The following HOMER2 variants were observed in gnomAD, a reference collection of about 807,000 sequenced individuals.
The protein encoded by HOMER2 is homer scaffold protein 2.
HOMER2 carries 27 observed loss-of-function variants against 47.0 expected under a neutral mutation model. The observed-to-expected ratio is 0.57, with a 90% CI of 0.42 to 0.79. The LOEUF (loss-of-function observed/expected upper bound fraction) is 0.79. Among genes scored for constraint, HOMER2 ranks in the 30% least tolerant of loss-of-function variants. HOMER2 has a pLI of 0.00. For synonymous variants in HOMER2, 161 were observed against 163.8 expected (o/e 0.98, Z 0.13); for missense variants, 443 against 435.0 (o/e 1.02, Z -0.16).
chr15:82,932,182 A>T (rs1279049662), intron 1 of HOMER2, among the ~76,000 whole-genome samples: 1 of 152,162 alleles, frequency 6.6e-6, no homozygotes, highest in African/African-American at 2.4e-5. Context: ...TATGCAGGAG[A>T]GCTCATTCCC....
chr15:82,859,067 C>T lies in HOMER2; in HGVS notation c.456G>A (p.Lys152=). 1 of 1,614,024 alleles carries T rather than the reference C, an allele frequency of 6.2e-7. No homozygotes were observed. The highest frequency in any genetic ancestry group is 8.5e-7 in the Non-Finnish European group (1 of 1,179,892). The change falls in exon 5 of 9, where the codon AAG becomes AAA. Residue 152 remains lysine (K), a synonymous_variant. Coordinates refer to ENST00000450735, the MANE Select transcript of HOMER2 (RefSeq NM_004839.4). ...SHAGPANTHL[K]SENDKLKIAL... is the part of the protein sequence containing the mutation. Reference sequence around the variant, plus strand: ...CAATCTTCAGCTTGTCATTCTCAGACTTCAGGTGTGTGTTGGCTGGACCGG... The same window carrying T: ...CAATCTTCAGCTTGTCATTCTCAGATTTCAGGTGTGTGTTGGCTGGACCGG...
chr15:82,981,807 CATAAAG>C (rs755649845), intron 1 of HOMER2, among the ~76,000 whole-genome samples: 2 of 152,058 alleles, frequency 1.3e-5, no homozygotes, highest in Non-Finnish European at 2.9e-5. Context: ...TAGTCAAATT[CATAAAG>C]ATAAAGTAGA....
intron 3 of HOMER2, among the ~76,000 whole-genome samples, chr15:82,869,096 G>A (rs1403506021): frequency 6.6e-6 from 1 of 152,084 alleles, no homozygotes; most frequent in Non-Finnish European, 1.5e-5. Flanking sequence ...TGCTCCTCTC[G>A]ACACACTGCC....
intron 1 of HOMER2, among the ~76,000 whole-genome samples, chr15:82,976,955 C>T (rs566363462): frequency 3.3e-5 from 5 of 151,998 alleles, no homozygotes; most frequent in African/African-American, 4.8e-5. Context: ...GGATTACAGG[C>T]GTGAGCTACC....
At chr15:82,907,227 G>C (rs1269451206) in intron 1 of HOMER2, among the ~76,000 whole-genome samples, 1 of 151,974 alleles carries the variant, frequency 6.6e-6, no homozygotes. Context: ...CATGGTGGCG[G>C]GTGCGTGCAG....
chr15:82,928,827 C>A (rs2053920752), intron 1 of HOMER2, among the ~76,000 whole-genome samples: 1 of 151,336 alleles, frequency 6.6e-6, no homozygotes, highest in Non-Finnish European at 1.5e-5. Context: ...AGAAACCAGT[C>A]CCGAAAACCA....
At chr15:82,853,045 A>C (rs1368425709) in intron 6 of HOMER2, among the ~76,000 whole-genome samples, 1 of 152,202 alleles carries the variant, frequency 6.6e-6, no homozygotes, top group Non-Finnish European at 1.5e-5. Context: ...GTCCCCCCGA[A>C]CAGGCAGCAG....
Position 82,871,117 on chromosome 15 carries a change from C to A in HOMER2, c.294+4156G>T, listed in dbSNP as rs139214237. Among the ~76,000 whole-genome samples, 160 of 152,292 alleles carry A rather than the reference C, an allele frequency of 1.1e-3. No individual in the cohort carries two copies. In the Middle Eastern group the frequency reaches 0.024, roughly 23 times the overall value. On this transcript the variant is annotated intron_variant, in intron 3 of 8. Coordinates refer to ENST00000450735, the MANE Select transcript of HOMER2 (RefSeq NM_004839.4). ...ATGTCCTCTCCAGTGGGTGGACAGA[C>A]GAGTCCCAGTTTACTTCTGAGAAAA...
At chr15:82,858,639 CA>C (rs1253590405) in intron 5 of HOMER2, among the ~76,000 whole-genome samples, 2 of 152,056 alleles carry the variant, frequency 1.3e-5, no homozygotes, top group African/African-American at 4.8e-5. Flanking sequence ...TTTGCCTCCT[CA>C]AAAACAAAAC....
intron 1 of HOMER2, among the ~76,000 whole-genome samples, chr15:82,975,528 G>A (rs150884565): frequency 2.0e-5 from 3 of 152,264 alleles, no homozygotes; most frequent in South Asian, 2.1e-4. Flanking sequence ...CTATTCAGCC[G>A]TAAAAAAAGA....
intron 1 of HOMER2, among the ~76,000 whole-genome samples, chr15:82,978,290 A>G (rs917925204): frequency 6.6e-6 from 1 of 152,240 alleles, no homozygotes; most frequent in Non-Finnish European, 1.5e-5. Context: ...CAAGGAGTTT[A>G]TAATTTAGGT....
rs545208284 is a variant in HOMER2 at position 82,893,505 on chromosome 15, G to T, written c.6-664C>A. 2.0e-5 allele frequency among the ~76,000 whole-genome samples: 3 copies of T among 151,294 alleles called. No individual in the cohort carries two copies. In the South Asian group the frequency reaches 6.2e-4, roughly 31 times the overall value. On this transcript the variant is annotated intron_variant, in intron 1 of 8. Coordinates refer to ENST00000450735, the MANE Select transcript of HOMER2 (RefSeq NM_004839.4). The stretch of plus-strand genomic sequence containing the variant: ...GTGCCACTGCGCTCAGCTAATTTTT[G>T]TATTTATAGTAGAGACGGGGTTTCA...
At position 82,963,972 on chromosome 15, in the gene HOMER2, G is replaced by A. The variant is rs1226892390; in HGVS notation, n.83-4664C>T. Among the ~76,000 whole-genome samples, 3 of 152,178 alleles carry A rather than the reference G, an allele frequency of 2.0e-5. No individual in the cohort carries two copies. In the East Asian group the frequency reaches 5.8e-4, roughly 29 times the overall value. ...TGCTTCCCTACAACTGAGCACTGAC[G>A]ATGAGATGTAGTCCTAATTTAGAAC... On this transcript the variant is annotated intron_variant and non_coding_transcript_variant, in intron 1 of 1. Transcript: ENST00000500334.
chr15:82,849,479 C>T lies in HOMER2; in HGVS notation c.*236G>A, dbSNP rs1386056099. ...TGACTGCATAAATGTTGAAGGTAGA[C>T]CTAGTTCTGGATTCCTGAGTCAGAA... is the stretch of plus-strand genomic sequence containing the variant. On this transcript the variant is annotated 3_prime_UTR_variant, in exon 9 of 9. Transcript: ENST00000450735. The T allele has an allele frequency of 2.7e-5, 15 of 549,250 alleles. No homozygotes were observed. In the Admixed American group the frequency reaches 4.6e-4, roughly 17 times the overall value. 34.0% of individuals were successfully genotyped at this position (549,250 alleles called of 1,614,324 possible). A position where few individuals can be genotyped will look rare whatever the true frequency, so the allele number is the denominator to read the frequency against.
chr15:82,935,281 A>G (rs2054117683), intron 1 of HOMER2, among the ~76,000 whole-genome samples: 1 of 152,054 alleles, frequency 6.6e-6, no homozygotes, highest in Non-Finnish European at 1.5e-5. Context: ...TCCTGGACCC[A>G]TCTCAGCAGT....
At chr15:82,955,095 A>G (rs2054575184), upstream of HOMER2, among the ~76,000 whole-genome samples, 1 of 149,364 alleles carries the variant, frequency 6.7e-6, no homozygotes, top group South Asian at 2.1e-4. Context: ...CTATTTTTAA[A>G]AGCAGTACTG....
chr15:82,954,684 G>A (rs577483480), upstream of HOMER2, among the ~76,000 whole-genome samples: 1 of 152,136 alleles, frequency 6.6e-6, no homozygotes, highest in Non-Finnish European at 1.5e-5. Flanking sequence ...TACATACTAT[G>A]TCTATAGGTA....
At chr15:82,880,931 A>AGT (rs1262426975) in intron 2 of HOMER2, among the ~76,000 whole-genome samples, 1 of 152,122 alleles carries the variant, frequency 6.6e-6, no homozygotes, top group Non-Finnish European at 1.5e-5. Context: ...GCCAAGGGTG[A>AGT]GTGTGTGAAG....
At chr15:82,961,614 GT>G (rs890183317) in intron 1 of HOMER2, among the ~76,000 whole-genome samples, 10 of 149,534 alleles carry the variant, frequency 6.7e-5, no homozygotes, top group South Asian at 4.2e-4. Flanking sequence ...TCCTAAACAA[GT>G]TTTTTTTTTA....
Sources: gnomAD v4.1 joint callset for allele counts (sites outside exome capture counted in the v4.1 genomes callset) on GRCh38, gnomAD v4.1.1 for gene constraint, MANE v1.5 for transcripts, NCBI Gene and HGNC (gene_info 2026-07-23, HGNC 2026-07-21) for gene names.